Variants in GRM5 observed in about 807,000 individuals in gnomAD.
The protein encoded by GRM5 is glutamate metabotropic receptor 5.
In GRM5, 19 loss-of-function variants were observed where a neutral mutation model predicts 83.1. That is an observed-to-expected ratio of 0.23 (90% confidence interval 0.16 to 0.34). GRM5 has a LOEUF of 0.34. Ranked by LOEUF, GRM5 falls within the 10% of genes least tolerant of loss-of-function variation. GRM5 has a pLI of 1.00. For synonymous variants in GRM5, 675 were observed against 633.6 expected, an observed-to-expected ratio of 1.07 and a Z score of -0.98; for missense variants, 1,160 against 1,588.3, an observed-to-expected ratio of 0.73 and a Z score of 4.58.
intron 3 of GRM5, among the ~76,000 whole-genome samples, chr11:88,717,617 T>C (rs1941426940): frequency 6.6e-6 from 1 of 151,866 alleles, no homozygotes; most frequent in South Asian, 2.1e-4. Context: ...ATAAATCTTT[T>C]CATATAGCAA....
At chr11:88,675,772 G>A (rs1348704429) in intron 3 of GRM5, among the ~76,000 whole-genome samples, 1 of 151,984 alleles carries the variant, frequency 6.6e-6, no homozygotes, top group Non-Finnish European at 1.5e-5. Context: ...GTTGTCCCAT[G>A]TTTCTCACAG....
chr11:88,891,257 A>G (rs1295016838), intron 2 of GRM5, among the ~76,000 whole-genome samples: 3 of 152,206 alleles, frequency 2.0e-5, no homozygotes, highest in East Asian at 1.9e-4. Context: ...CAGGATTTTT[A>G]TGTAATAGTA....
At chr11:88,600,297 C>A (rs1204263084) in intron 5 of GRM5, among the ~76,000 whole-genome samples, 2 of 146,132 alleles carry the variant, frequency 1.4e-5, no homozygotes, top group African/African-American at 5.1e-5. Flanking sequence ...TCCCCCACCC[C>A]TTCCCCCTCT....
At chr11:88,516,097 C>A (rs1202642143) in intron 9 of GRM5, among the ~76,000 whole-genome samples, 1 of 152,226 alleles carries the variant, frequency 6.6e-6, no homozygotes, top group Non-Finnish European at 1.5e-5. Context: ...AGGGCAGATG[C>A]TACATGTATC....
At chr11:88,677,172 A>G (rs1164539018) in intron 3 of GRM5, among the ~76,000 whole-genome samples, 1 of 152,076 alleles carries the variant, frequency 6.6e-6, no homozygotes, top group African/African-American at 2.4e-5. Flanking sequence ...ATATATATAC[A>G]ACATGTAATA....
At chr11:88,968,069 A>T (rs1197696762) in intron 2 of GRM5, among the ~76,000 whole-genome samples, 1 of 152,168 alleles carries the variant, frequency 6.6e-6, no homozygotes, top group Non-Finnish European at 1.5e-5. Flanking sequence ...TAGGACTGCT[A>T]AAAATTTAAT....
intron 3 of GRM5, among the ~76,000 whole-genome samples, chr11:88,703,935 G>A (rs1476394494): frequency 6.6e-6 from 1 of 151,918 alleles, no homozygotes; most frequent in East Asian, 1.9e-4. Flanking sequence ...CCAGCGACTG[G>A]GTTTTTTCAA....
chr11:88,838,736 C>T (rs1944138843), intron 3 of GRM5, among the ~76,000 whole-genome samples: 1 of 152,036 alleles, frequency 6.6e-6, no homozygotes, highest in African/African-American at 2.4e-5. Context: ...AAATCTTTCT[C>T]TCCTCATTGT....
intron 2 of GRM5, among the ~76,000 whole-genome samples, chr11:88,885,450 GTTTTTTTTTTT>G (rs61456975): frequency 2.6e-4 from 16 of 62,658 alleles, no homozygotes; most frequent in African/African-American, 6.5e-4. Context: ...TAGGTACCAT[GTTTTTTTTTTT>G]TTTTTTTTTT....
At chr11:88,776,262 C>A (rs939647035) in intron 3 of GRM5, among the ~76,000 whole-genome samples, 7 of 151,966 alleles carry the variant, frequency 4.6e-5, no homozygotes, top group Admixed American at 2.0e-4. Context: ...AGGATTGCAA[C>A]CCCTGTTTTT....
At chr11:88,896,637 G>T (rs1270378991) in intron 2 of GRM5, among the ~76,000 whole-genome samples, 2 of 151,868 alleles carry the variant, frequency 1.3e-5, no homozygotes, top group African/African-American at 2.4e-5. Flanking sequence ...GGACCAGAGG[G>T]CCAATGATGT....
intron 3 of GRM5, among the ~76,000 whole-genome samples, chr11:88,656,251 A>G (rs1939766238): frequency 6.6e-6 from 1 of 152,154 alleles, no homozygotes; most frequent in Admixed American, 6.6e-5. Flanking sequence ...TACTAGATTT[A>G]TTATTTATCC....
intron 2 of GRM5, among the ~76,000 whole-genome samples, chr11:88,952,836 C>T (rs1338596460): frequency 6.6e-6 from 1 of 152,094 alleles, no homozygotes; most frequent in Non-Finnish European, 1.5e-5. Flanking sequence ...AAAACAGGAA[C>T]AGATGTCTAT....
At chr11:88,762,839 C>T (rs1205765276) in intron 3 of GRM5, among the ~76,000 whole-genome samples, 9 of 151,892 alleles carry the variant, frequency 5.9e-5, no homozygotes, top group Admixed American at 5.9e-4. Context: ...ACTATGCAGT[C>T]ATAAAAAAGA....
chr11:88,805,679 TAA>T (rs1410119731), intron 3 of GRM5, among the ~76,000 whole-genome samples: 1 of 152,208 alleles, frequency 6.6e-6, no homozygotes, highest in Non-Finnish European at 1.5e-5. Flanking sequence ...TTAAAAATTC[TAA>T]AGACTTAGAG....
intron 3 of GRM5, among the ~76,000 whole-genome samples, chr11:88,778,940 C>A (rs1371479069): frequency 2.0e-5 from 3 of 152,146 alleles, no homozygotes; most frequent in Admixed American, 6.5e-5. Context: ...GCCTACTGCC[C>A]TTCTGGGTTA....
chr11:88,935,991 T>A (rs1937879726), intron 2 of GRM5, among the ~76,000 whole-genome samples: 1 of 151,920 alleles, frequency 6.6e-6, no homozygotes. Context: ...ATTTTAATGC[T>A]TTTGTCACAT....
At chr11:88,767,974 C>A (rs530085778) in intron 3 of GRM5, among the ~76,000 whole-genome samples, 1 of 152,016 alleles carries the variant, frequency 6.6e-6, no homozygotes, top group Non-Finnish European at 1.5e-5. Flanking sequence ...GAAATTGGAA[C>A]CCTCGTATGC....
chr11:88,712,595 C>A (rs1204056875), intron 3 of GRM5, among the ~76,000 whole-genome samples: 1 of 151,910 alleles, frequency 6.6e-6, no homozygotes, highest in Non-Finnish European at 1.5e-5. Flanking sequence ...ATAGTAGAGG[C>A]AACTCAGTCA....
Sources: allele counts gnomAD v4.1 joint callset (sites outside exome capture counted in the v4.1 genomes callset), GRCh38; gene constraint gnomAD v4.1.1; transcripts MANE v1.5; gene names NCBI Gene and HGNC (gene_info 2026-07-23, HGNC 2026-07-21).